Variants in PAK3 observed in about 807,000 individuals in gnomAD.
The protein encoded by PAK3 is p21 (RAC1) activated kinase 3.
PAK3 carries 4 observed loss-of-function variants against 41.0 expected under a neutral mutation model. That is an observed-to-expected ratio of 0.10 (90% CI 0.05 to 0.22). The LOEUF (loss-of-function observed/expected upper bound fraction) is 0.22. Ranked by LOEUF, PAK3 falls within the 10% of genes least tolerant of loss-of-function variation. The pLI is 1.00. For synonymous variants in PAK3, 146 were observed against 139.6 expected (o/e 1.05, Z -0.32); for missense variants, 205 against 409.9 (o/e 0.50, Z 4.32).
At chrX:110,948,307 A>T (rs185217024) in intron 1 of PAK3, among the ~76,000 whole-genome samples, 1 of 111,978 alleles carries the variant, frequency 8.9e-6, no homozygotes, top group East Asian at 2.8e-4. Flanking sequence ...TTAGTTGGAA[A>T]GTTGCTTTTA....
At chrX:110,966,733 G>A (rs950586271) in intron 1 of PAK3, among the ~76,000 whole-genome samples, 3 of 111,154 alleles carry the variant, frequency 2.7e-5, no homozygotes, top group Non-Finnish European at 5.7e-5. Flanking sequence ...AAAAAGACTG[G>A]AAGGAAGTAT....
intron 1 of PAK3, among the ~76,000 whole-genome samples, chrX:110,983,566 T>C (rs1376056236): frequency 1.9e-5 from 2 of 107,480 alleles, no homozygotes; most frequent in East Asian, 5.9e-4. Context: ...GAGAGAGAAA[T>C]CTTGAGAAAC....
chrX:111,127,446 A>G (rs756311099), intron 5 of PAK3, among the ~76,000 whole-genome samples: 58 of 111,211 alleles, frequency 5.2e-4, no homozygotes, highest in Non-Finnish European at 9.6e-4. Context: ...GGTAGAAGAA[A>G]AAAAAAAAGA....
Position 111,127,689 on chromosome X carries a change from C to G in PAK3, c.175+4411C>G. 3.6e-5 allele frequency among the ~76,000 whole-genome samples: 4 copies of G among 111,393 alleles called. 1 individual carries two copies. The Middle Eastern group carries it at 0.019, about 516-fold the overall frequency. Reference sequence around the variant, plus strand: ...ACTGATCAGGTTTCTCTTTTGTTGGCTACTAGAAAGCTTGGAGTCAAATGT... The same window carrying G: ...ACTGATCAGGTTTCTCTTTTGTTGGGTACTAGAAAGCTTGGAGTCAAATGT... On this transcript the variant is annotated intron_variant, in intron 5 of 17. Coordinates refer to ENST00000372007, the MANE Select transcript of PAK3 (RefSeq NM_002578.5).
chrX:110,994,405 A>G (rs2091705196), intron 1 of PAK3, among the ~76,000 whole-genome samples: 1 of 111,374 alleles, frequency 9.0e-6, no homozygotes, highest in Admixed American at 9.6e-5. Flanking sequence ...AGGCACCCCA[A>G]GATCAAGCCT....
intron 16 of PAK3, among the ~76,000 whole-genome samples, chrX:111,207,983 C>T (rs908470321): frequency 2.7e-5 from 3 of 111,986 alleles, no homozygotes; most frequent in Non-Finnish European, 5.6e-5. Flanking sequence ...GTAGTAGAGA[C>T]GAGGTTTCGC....
chrX:110,972,010 C>T lies in PAK3; in HGVS notation c.-28+27382C>T, dbSNP rs139756662. ...AAGTGTGAGAGTTCATTTCTAGACT[C>T]TCAATTCTATTCCATTGTTCTACGT... On this transcript the variant is annotated intron_variant, in intron 1 of 14. Transcript: ENST00000425146. 6.8e-3 allele frequency among the ~76,000 whole-genome samples: 755 copies of T among 110,982 alleles called. 4 individuals carry two copies. Among genetic ancestry groups the T allele is most frequent in the African/African-American group, 0.023 (697 of 30,514 alleles).
At chrX:110,989,198 C>T (rs2091598258) in intron 1 of PAK3, among the ~76,000 whole-genome samples, 1 of 111,511 alleles carries the variant, frequency 9.0e-6, no homozygotes, top group South Asian at 3.8e-4. Context: ...GCCAGTGAGG[C>T]CTTCTGTGTC....
Position 111,224,039 on chromosome X carries a change from G to A in PAK3, c.*3592G>A, listed in dbSNP as rs974126490. 3 of 112,036 alleles carry A rather than the reference G, an allele frequency of 2.7e-5. No homozygotes were observed. The Admixed American group carries it at 2.8e-4, about 11-fold the overall frequency. 9.2% of individuals were successfully genotyped at this position (112,036 alleles called of 1,213,427 possible). ...TAGACACATAGAAAAGATGCCAGAA[G>A]CAGATGCCTTCTGGCCAGAGCGCAG... is the stretch of plus-strand genomic sequence containing the variant. On this transcript the variant is annotated 3_prime_UTR_variant, in exon 18 of 18. Coordinates refer to ENST00000372007, the MANE Select transcript of PAK3 (RefSeq NM_002578.5).
rs1190329235 is a variant in PAK3, at chrX:111,223,352, C to A, written c.*2905C>A. The stretch of plus-strand genomic sequence containing the variant: ...TAATGTTGTTAGCAAGGATCCAGTG[C>A]GTTGTCATAATCCCATGAGGATTTT... On this transcript the variant is annotated 3_prime_UTR_variant, in exon 18 of 18. Transcript: ENST00000372007. The A allele has an allele frequency of 9.2e-6, 1 of 108,267 alleles. No individual in the cohort carries two copies. 8.9% of individuals were successfully genotyped at this position (108,267 alleles called of 1,213,427 possible). A position where few individuals can be genotyped will look rare whatever the true frequency, so the allele number is the denominator to read the frequency against.
intron 1 of PAK3, among the ~76,000 whole-genome samples, chrX:111,045,270 A>G (rs1358861986): frequency 8.9e-6 from 1 of 112,449 alleles, no homozygotes; most frequent in Non-Finnish European, 1.9e-5. Context: ...GGTTTGACAC[A>G]AGTGAAAGGC....
At chrX:111,037,311 A>G (rs1432881274) in intron 1 of PAK3, among the ~76,000 whole-genome samples, 1 of 111,613 alleles carries the variant, frequency 9.0e-6, no homozygotes, top group East Asian at 2.8e-4. Flanking sequence ...ACCCTCTCTC[A>G]TGTTGTGGTG....
At chrX:111,046,646 TA>T (rs1201038877) in intron 1 of PAK3, among the ~76,000 whole-genome samples, 2 of 111,898 alleles carry the variant, frequency 1.8e-5, no homozygotes, top group Non-Finnish European at 3.8e-5. Flanking sequence ...ACTTAACCTC[TA>T]TATGCCTTAG....
At chrX:111,067,199 T>C (rs766610474) in intron 1 of PAK3, among the ~76,000 whole-genome samples, 2 of 111,974 alleles carry the variant, frequency 1.8e-5, no homozygotes, top group Non-Finnish European at 1.9e-5. Context: ...CATCACCATG[T>C]TGAATAGTAA....
chrX:111,052,746 T>C (rs1402108655), intron 1 of PAK3, among the ~76,000 whole-genome samples: 1 of 112,310 alleles, frequency 8.9e-6, no homozygotes, highest in African/African-American at 3.2e-5. Flanking sequence ...TTGACTCTTT[T>C]TGCTTAAACC....
chrX:111,176,819 A>T (rs1211958700), intron 11 of PAK3, among the ~76,000 whole-genome samples: 2 of 111,438 alleles, frequency 1.8e-5, no homozygotes, highest in African/African-American at 3.3e-5. Flanking sequence ...TGTATTTAAG[A>T]TATAATCTGC....
chrX:111,030,875 G>A (rs1371344876), intron 1 of PAK3, among the ~76,000 whole-genome samples: 1 of 111,754 alleles, frequency 8.9e-6, no homozygotes, highest in African/African-American at 3.3e-5. Flanking sequence ...TTTGAATGAT[G>A]TTAATTCTCA....
intron 1 of PAK3, among the ~76,000 whole-genome samples, chrX:110,952,981 G>A (rs1019642934): frequency 8.9e-6 from 1 of 111,770 alleles, no homozygotes; most frequent in Non-Finnish European, 1.9e-5. Context: ...CCACAGATAT[G>A]GATTCTATGC....
At chrX:111,190,723 AT>A (rs1391359080) in intron 11 of PAK3, among the ~76,000 whole-genome samples, 3 of 112,032 alleles carry the variant, frequency 2.7e-5, no homozygotes, top group Non-Finnish European at 5.6e-5. Flanking sequence ...AGGGAAAAGA[AT>A]GACAAGGAAG....
Sources: allele counts gnomAD v4.1 joint callset (sites outside exome capture counted in the v4.1 genomes callset), GRCh38; gene constraint gnomAD v4.1.1; transcripts MANE v1.5; gene names NCBI Gene and HGNC (gene_info 2026-07-23, HGNC 2026-07-21).